The following GRIA4 variants were observed in gnomAD, a reference collection of about 807,000 sequenced individuals.
GRIA4 encodes glutamate receptor 4.
GRIA4 carries 34 observed loss-of-function variants against 104.0 expected under a neutral mutation model. The observed-to-expected ratio is 0.33, with a 90% CI of 0.25 to 0.44. The LOEUF is 0.44. Among genes scored for constraint, GRIA4 ranks in the 20% least tolerant of loss-of-function variants. The pLI, the probability that GRIA4 is intolerant of heterozygous loss-of-function variation, is 1.00. For synonymous variants in GRIA4, 386 were observed against 381.9 expected, an observed-to-expected ratio of 1.01 and a Z score of -0.13; for missense variants, 750 against 1,096.5, an observed-to-expected ratio of 0.68 and a Z score of 4.46.
rs527421963 is a variant in GRIA4, at chr11:105,818,211, T to A, written c.488-43813T>A. 3.9e-5 allele frequency among the ~76,000 whole-genome samples: 6 copies of A among 152,092 alleles called. No homozygotes were observed. In the South Asian group the frequency reaches 1.0e-3, roughly 26 times the overall value. ...CATAAATTGAGTCCCAAGTGTTGGT[T>A]AGAAAAAGGTGATGTTTGGTTTGAA... On this transcript the variant is annotated intron_variant, in intron 4 of 16. Coordinates refer to ENST00000282499, the MANE Select transcript of GRIA4 (RefSeq NM_000829.4).
chr11:105,925,788 T>C (rs1361311788), intron 12 of GRIA4, among the ~76,000 whole-genome samples: 1 of 152,086 alleles, frequency 6.6e-6, no homozygotes, highest in Non-Finnish European at 1.5e-5. Flanking sequence ...GCAAGTATTA[T>C]AATAAGGGAG....
chr11:105,859,134 T>C (rs1945125074), intron 4 of GRIA4, among the ~76,000 whole-genome samples: 1 of 152,178 alleles, frequency 6.6e-6, no homozygotes, highest in African/African-American at 2.4e-5. Context: ...ACAGCAGTAT[T>C]TTATCCTAGT....
intron 3 of GRIA4, among the ~76,000 whole-genome samples, chr11:105,750,165 A>C (rs1255992602): frequency 1.3e-5 from 2 of 152,126 alleles, no homozygotes; most frequent in East Asian, 1.9e-4. Context: ...ATATTATAAT[A>C]CTATATATGG....
chr11:105,738,887 T>A (rs1939123086), intron 3 of GRIA4, among the ~76,000 whole-genome samples: 1 of 146,038 alleles, frequency 6.8e-6, no homozygotes, highest in South Asian at 2.1e-4. Context: ...TCTTTCTCTA[T>A]ACTTTGTTTC....
At chr11:105,912,407 C>T (rs1329667636) in intron 10 of GRIA4, 1 of 956,284 alleles carries the variant, frequency 1.0e-6, no homozygotes, top group Non-Finnish European at 1.2e-6. Flanking sequence ...AGGGACTGGA[C>T]AAATAAATCT....
intron 4 of GRIA4, among the ~76,000 whole-genome samples, chr11:105,850,129 C>T (rs1944749526): frequency 2.0e-5 from 3 of 152,144 alleles, no homozygotes; most frequent in Admixed American, 2.0e-4. Flanking sequence ...CAAAGCAAAA[C>T]TGACTAATTG....
rs1309549703 is a variant in GRIA4 at position 105,794,514 on chromosome 11, CATAT to C, written c.487+41296_487+41299del. ...ATATATATATATATATATATATATA[CATAT>C]ACACACACACACATATCTGTCTCTC... On this transcript the variant is annotated intron_variant, in intron 4 of 16. Transcript: ENST00000282499. Among the ~76,000 whole-genome samples, 242 of 48,098 alleles carry C rather than the reference CATAT, an allele frequency of 5.0e-3. 4 individuals are homozygous for C. Among genetic ancestry groups the C allele is most frequent in the African/African-American group, 0.018 (234 of 13,196 alleles). The allele number at this position is 48,098 out of a possible 152,430, so 31.6% of individuals were successfully genotyped here.
At chr11:105,880,079 G>C (rs991023768) in intron 5 of GRIA4, among the ~76,000 whole-genome samples, 1 of 152,080 alleles carries the variant, frequency 6.6e-6, no homozygotes, top group East Asian at 1.9e-4. Context: ...TATTTATATT[G>C]TTTCTTACAA....
chr11:105,846,532 T>C (rs1264214074), intron 4 of GRIA4, among the ~76,000 whole-genome samples: 4 of 152,078 alleles, frequency 2.6e-5, no homozygotes, highest in African/African-American at 9.7e-5. Flanking sequence ...CATAAATATG[T>C]ACAAATTATT....
intron 14 of GRIA4, among the ~76,000 whole-genome samples, chr11:105,969,136 T>C (rs1858549743): frequency 6.6e-6 from 1 of 152,226 alleles, no homozygotes; most frequent in Non-Finnish European, 1.5e-5. Flanking sequence ...CACTTCCTGA[T>C]AATTTGGCCC....
At chr11:105,700,321 A>G (rs374882059) in intron 3 of GRIA4, among the ~76,000 whole-genome samples, 212 of 152,288 alleles carry the variant, frequency 1.4e-3, no homozygotes, top group African/African-American at 4.7e-3. Context: ...GAATCCTACC[A>G]TATCATTCTC....
chr11:105,788,004 A>G (rs1480911566), intron 4 of GRIA4, among the ~76,000 whole-genome samples: 2 of 152,158 alleles, frequency 1.3e-5, no homozygotes, highest in Non-Finnish European at 2.9e-5. Flanking sequence ...GATGAAAGAT[A>G]GAAAGGCATG....
intron 8 of GRIA4, among the ~76,000 whole-genome samples, chr11:105,904,679 AT>A (rs1387657258): frequency 3.3e-5 from 5 of 152,190 alleles, no homozygotes; most frequent in Admixed American, 3.3e-4. Context: ...ATGTTCTGAA[AT>A]GTCACAGGTT....
intron 3 of GRIA4, among the ~76,000 whole-genome samples, chr11:105,698,272 T>G (rs1474653051): frequency 6.6e-6 from 1 of 152,204 alleles, no homozygotes; most frequent in African/African-American, 2.4e-5. Context: ...GACATATAAT[T>G]AATGTAATTA....
chr11:105,826,018 G>T (rs1943757800), intron 4 of GRIA4, among the ~76,000 whole-genome samples: 1 of 151,988 alleles, frequency 6.6e-6, no homozygotes. Context: ...CAGATGGGCT[G>T]GTGGGCCCCG....
chr11:105,936,724 G>A (rs1336114606), intron 14 of GRIA4, among the ~76,000 whole-genome samples: 1 of 152,094 alleles, frequency 6.6e-6, no homozygotes, highest in Non-Finnish European at 1.5e-5. Flanking sequence ...TAGGACTTGG[G>A]TATTTAATGC....
intron 14 of GRIA4, among the ~76,000 whole-genome samples, chr11:105,971,112 A>C (rs1858668176): frequency 6.6e-6 from 1 of 152,100 alleles, no homozygotes; most frequent in Non-Finnish European, 1.5e-5. Flanking sequence ...TGTTGCTAAG[A>C]ATTTGTGGAA....
chr11:105,792,373 A>G (rs1942252745), intron 4 of GRIA4, among the ~76,000 whole-genome samples: 2 of 152,178 alleles, frequency 1.3e-5, no homozygotes, highest in South Asian at 4.1e-4. Context: ...ATTGTATAAG[A>G]GAGTTCCAGT....
intron 3 of GRIA4, among the ~76,000 whole-genome samples, chr11:105,630,004 A>T (rs548599410): frequency 6.6e-6 from 1 of 152,296 alleles, no homozygotes; most frequent in Admixed American, 6.5e-5. Context: ...TCTTATTTTC[A>T]ATTCTGTATA....
Sources: allele counts gnomAD v4.1 joint callset (sites outside exome capture counted in the v4.1 genomes callset), GRCh38; gene constraint gnomAD v4.1.1; transcripts MANE v1.5; gene names NCBI Gene and HGNC (gene_info 2026-07-23, HGNC 2026-07-21).